NKAIN2: variants seen among roughly 807,000 people sequenced by gnomAD.
The protein encoded by NKAIN2 is sodium/potassium-transporting ATPase subunit beta-1-interacting protein 2.
NKAIN2 carries 14 observed loss-of-function variants against 32.6 expected under a neutral mutation model. The ratio of observed to expected loss-of-function variants is 0.43; its 90% CI spans 0.28 to 0.67. The LOEUF (loss-of-function observed/expected upper bound fraction) is 0.67, where lower values mean the gene tolerates loss of function less well. NKAIN2 is among the 30% of genes least tolerant of loss of function. The probability of loss-of-function intolerance (pLI) is 0.17; values close to 1 mark genes in which losing one functional copy is unlikely to be tolerated. For synonymous variants in NKAIN2, 80 were observed against 87.2 expected, an observed-to-expected ratio of 0.92 and a Z score of 0.46; for missense variants, 198 against 258.3, an observed-to-expected ratio of 0.77 and a Z score of 1.60.
At chr6:124,236,350 G>A (rs1368663483) in intron 1 of NKAIN2, among the ~76,000 whole-genome samples, 1 of 152,066 alleles carries the variant, frequency 6.6e-6, no homozygotes, top group East Asian at 1.9e-4. Flanking sequence ...GTCAAAACAA[G>A]CAGAGGTCAC....
chr6:124,132,192 C>G (rs1000684545), intron 1 of NKAIN2, among the ~76,000 whole-genome samples: 2 of 152,166 alleles, frequency 1.3e-5, no homozygotes, highest in Admixed American at 1.3e-4. Context: ...CAGCCATAAT[C>G]CCCTTTGGAA....
At chr6:124,069,961 A>G (rs541191549) in intron 1 of NKAIN2, among the ~76,000 whole-genome samples, 2 of 152,306 alleles carry the variant, frequency 1.3e-5, no homozygotes, top group South Asian at 2.1e-4. Context: ...AACTTTGTCA[A>G]TTCTATGGTA....
intron 3 of NKAIN2, among the ~76,000 whole-genome samples, chr6:124,371,409 G>A (rs2208814): frequency 0.21 from 32,028 of 151,820 alleles, 3,543 homozygotes; most frequent in Admixed American, 0.29. Flanking sequence ...AACAGTGTAA[G>A]TTGGTCAAGA....
chr6:124,701,850 C>G (rs1774808736), intron 4 of NKAIN2, among the ~76,000 whole-genome samples: 1 of 151,914 alleles, frequency 6.6e-6, no homozygotes, highest in African/African-American at 2.4e-5. Flanking sequence ...ATTGCATGGC[C>G]TAATAGAACA....
rs548223532 is a variant in NKAIN2 at position 124,352,292 on chromosome 6, A to C, written c.193-2975A>C. ...TTTCAACTTGATTTTTAACCAAACT[A>C]GGTATAATTTACATTTATACATACA... On this transcript the variant is annotated intron_variant, in intron 2 of 6. Transcript: ENST00000368417. Among the ~76,000 whole-genome samples, 182 of 152,320 alleles carry C rather than the reference A, an allele frequency of 1.2e-3. 1 individual carries two copies. The highest frequency in any genetic ancestry group is 4.3e-3 in the African/African-American group (178 of 41,566).
intron 1 of NKAIN2, among the ~76,000 whole-genome samples, chr6:124,264,545 A>C (rs1794400640): frequency 6.6e-6 from 1 of 152,180 alleles, no homozygotes; most frequent in African/African-American, 2.4e-5. Flanking sequence ...TCAAATGGCC[A>C]ATTGCTTCTG....
At chr6:124,347,594 G>T (rs374746454) in intron 2 of NKAIN2, among the ~76,000 whole-genome samples, 3 of 151,524 alleles carry the variant, frequency 2.0e-5, no homozygotes, top group East Asian at 3.9e-4. Context: ...TTCATCTTCC[G>T]TCACTGATAC....
Position 124,526,974 on chromosome 6 carries a change from G to C in NKAIN2, c.274-131212G>C, listed in dbSNP as rs546482212. ...ATTAGCCTCAGCTATTGTAGGAATAGGTTTTGTGTACTTTGTGTCTTAAGT... is the reference window on the plus strand; with the variant it reads ...ATTAGCCTCAGCTATTGTAGGAATACGTTTTGTGTACTTTGTGTCTTAAGT... On this transcript the variant is annotated intron_variant, in intron 3 of 6. Coordinates refer to ENST00000368417, the MANE Select transcript of NKAIN2 (RefSeq NM_001040214.3). Among the ~76,000 whole-genome samples, 5 of 152,168 alleles carry C rather than the reference G, an allele frequency of 3.3e-5. No individual in the cohort carries two copies. In the South Asian group the frequency reaches 1.0e-3, roughly 32 times the overall value.
At chr6:124,137,640 G>A (rs1786885143) in intron 1 of NKAIN2, among the ~76,000 whole-genome samples, 1 of 151,968 alleles carries the variant, frequency 6.6e-6, no homozygotes, top group Non-Finnish European at 1.5e-5. Context: ...TACCAAAACA[G>A]CATGTTACCA....
intron 3 of NKAIN2, among the ~76,000 whole-genome samples, chr6:124,416,997 GA>G (rs1774518224): frequency 6.6e-6 from 1 of 152,148 alleles, no homozygotes; most frequent in South Asian, 2.1e-4. Context: ...AAGGCCTGCT[GA>G]AACCCACAAA....
At chr6:124,638,956 A>G (rs1004494383) in intron 3 of NKAIN2, among the ~76,000 whole-genome samples, 1 of 151,952 alleles carries the variant, frequency 6.6e-6, no homozygotes, top group African/African-American at 2.4e-5. Flanking sequence ...AAGATATACA[A>G]TTGGCCCATA....
chr6:124,356,024 G>A (rs935644470), intron 3 of NKAIN2, among the ~76,000 whole-genome samples: 8 of 152,090 alleles, frequency 5.3e-5, no homozygotes, highest in Admixed American at 5.2e-4. Context: ...ATCCATTCAA[G>A]GTAGTAGCAA....
chr6:124,224,637 C>T (rs924215761), intron 1 of NKAIN2, among the ~76,000 whole-genome samples: 3 of 152,050 alleles, frequency 2.0e-5, no homozygotes, highest in Admixed American at 6.6e-5. Flanking sequence ...CCTTTTAGCC[C>T]TGAATAAATA....
chr6:124,047,166 A>G (rs1782178682), intron 1 of NKAIN2, among the ~76,000 whole-genome samples: 1 of 151,928 alleles, frequency 6.6e-6, no homozygotes, highest in African/African-American at 2.4e-5. Flanking sequence ...CTCTCACATA[A>G]GTATAATTTG....
intron 1 of NKAIN2, among the ~76,000 whole-genome samples, chr6:124,158,013 G>A (rs1374495028): frequency 6.6e-6 from 1 of 152,122 alleles, no homozygotes; most frequent in African/African-American, 2.4e-5. Context: ...TTCTATTACT[G>A]AAACCAATAT....
intron 4 of NKAIN2, among the ~76,000 whole-genome samples, chr6:124,725,460 C>T (rs1776231055): frequency 6.6e-6 from 1 of 152,102 alleles, no homozygotes; most frequent in South Asian, 2.1e-4. Flanking sequence ...TGGAATATTC[C>T]TAAGCCCTGT....
intron 3 of NKAIN2, among the ~76,000 whole-genome samples, chr6:124,538,470 T>A (rs953900568): frequency 2.0e-5 from 3 of 152,160 alleles, no homozygotes; most frequent in Non-Finnish European, 4.4e-5. Flanking sequence ...CTAAGAGCTT[T>A]ATTTATTTAT....
At chr6:124,328,704 C>CA (rs1330229710) in intron 2 of NKAIN2, among the ~76,000 whole-genome samples, 1 of 152,148 alleles carries the variant, frequency 6.6e-6, no homozygotes, top group Non-Finnish European at 1.5e-5. Context: ...CATATACATC[C>CA]AAAATTACAG....
intron 1 of NKAIN2, among the ~76,000 whole-genome samples, chr6:123,951,184 T>G (rs1315227472): frequency 1.3e-5 from 2 of 152,058 alleles, no homozygotes; most frequent in Non-Finnish European, 2.9e-5. Flanking sequence ...CTTAACATGA[T>G]TGATCATGGA....
Sources: allele counts gnomAD v4.1 joint callset (sites outside exome capture counted in the v4.1 genomes callset), GRCh38; gene constraint gnomAD v4.1.1; transcripts MANE v1.5; gene names NCBI Gene and HGNC (gene_info 2026-07-23, HGNC 2026-07-21).